The following MNS1 variants were observed in gnomAD, a reference collection of about 807,000 sequenced individuals.
MNS1 encodes meiosis specific nuclear structural 1.
A neutral mutation model predicts 72.0 loss-of-function variants in MNS1; 63 were observed. That is an observed-to-expected ratio of 0.87 (90% CI 0.71 to 1.08). The LOEUF (loss-of-function observed/expected upper bound fraction) is 1.08, where lower values mean the gene tolerates loss of function less well. MNS1 is among the 50% of genes least tolerant of loss of function. MNS1 has a pLI of 0.00. For synonymous variants in MNS1, 188 were observed against 172.1 expected, an observed-to-expected ratio of 1.09 and a Z score of -0.72; for missense variants, 604 against 562.4, an observed-to-expected ratio of 1.07 and a Z score of -0.75.
intron 1 of MNS1, 135 bp downstream of exon 1, chr15:56,464,835 C>A: frequency 1.5e-6 from 2 of 1,303,342 alleles, no homozygotes; most frequent in South Asian, 1.4e-5. Context: ...CACCTGAAGC[C>A]TCCGAAAGCA....
intron 8 of MNS1, 23 bp from the exon 9 acceptor site, chr15:56,431,521 G>A: frequency 6.2e-7 from 1 of 1,612,404 alleles, no homozygotes; most frequent in Non-Finnish European, 8.5e-7. Context: ...ATCAAATTTT[G>A]TTATCACAAA....
Position 56,434,196 on chromosome 15 carries a change from T to G in MNS1, c.1211A>C (p.His404Pro), listed in dbSNP as rs770804547. 6.2e-7 allele frequency: 1 copy of G among 1,613,964 alleles called. No individual in the cohort carries two copies. The highest frequency in any genetic ancestry group is 1.7e-5 in the Admixed American group (1 of 59,990). The change falls in exon 8 of 10, where the codon CAC becomes CCC. Residue 404 changes from histidine (H) to proline (P), a missense_variant. By Grantham distance (77) the His-to-Pro change is moderately conservative. Transcript: ENST00000260453. Reference protein sequence around the residue: ...AQKQRMKQLEHRRAVEKLIEE... With the variant: ...AQKQRMKQLEPRRAVEKLIEE... Reference sequence around the variant, plus strand: ...AATAAGTTTTTCCACAGCCCTCCTGTGTTCCAGCTGCTTCATTCTTTGTTT... The same window carrying G: ...AATAAGTTTTTCCACAGCCCTCCTGGGTTCCAGCTGCTTCATTCTTTGTTT...
chr15:56,435,027 T>C (rs1253732340), intron 7 of MNS1, among the ~76,000 whole-genome samples: 1 of 152,060 alleles, frequency 6.6e-6, no homozygotes, highest in Non-Finnish European at 1.5e-5. Flanking sequence ...AAATATAATT[T>C]TACAATGGTC....
intron 7 of MNS1, among the ~76,000 whole-genome samples, chr15:56,436,509 G>C (rs542524548): frequency 6.6e-6 from 1 of 152,134 alleles, no homozygotes; most frequent in Non-Finnish European, 1.5e-5. Flanking sequence ...AATCAGGAAA[G>C]ATCTAAAATT....
chr15:56,458,214 C>A (rs80012054), intron 2 of MNS1, among the ~76,000 whole-genome samples: 11,063 of 152,230 alleles, frequency 0.073, 1,384 homozygotes, highest in African/African-American at 0.25. Flanking sequence ...TCACCTTTTA[C>A]AATTCACAAT....
intron 3 of MNS1, 169 bp from the exon 4 acceptor site, chr15:56,447,112 G>T (rs2050911390): frequency 1.8e-6 from 1 of 541,316 alleles, no homozygotes; most frequent in Non-Finnish European, 3.3e-6. Flanking sequence ...TGCCTTTAGG[G>T]CATTAGGGCT....
chr15:56,460,009 A>AAAAAAAAAAAAAAAAAAAAATATAT, intron 2 of MNS1, among the ~76,000 whole-genome samples: 1 of 26,406 alleles, frequency 3.8e-5, no homozygotes, highest in African/African-American at 1.5e-4. Flanking sequence ...AAAAAAAAAA[A>AAAAAAAAAAAAAAAAAAAAATATAT]ATACATATAT....
In MNS1 at chr15:56,434,232, A is replaced by G. The variant is rs1330609415; in HGVS notation, c.1175T>C (p.Met392Thr). The G allele has an allele frequency of 1.2e-6, 2 of 1,613,968 alleles. No individual in the cohort carries two copies. Among genetic ancestry groups the G allele is most frequent in the Non-Finnish European group, 1.7e-6 (2 of 1,179,930 alleles). The change falls in exon 8 of 10, where the codon ATG (methionine) becomes ACG (threonine). Residue 392 changes from methionine to threonine, a missense_variant. By Grantham distance (81) the Met-to-Thr change is moderately conservative. Coordinates refer to ENST00000260453, the MANE Select transcript of MNS1 (RefSeq NM_018365.4). ...KFAEDDRIEL[M>T]NAQKQRMKQL... Reference sequence around the variant, plus strand: ...CTTCATTCTTTGTTTCTGAGCATTCATTAATTCTATTCGATCATCCTCAGC... The same window carrying G: ...CTTCATTCTTTGTTTCTGAGCATTCGTTAATTCTATTCGATCATCCTCAGC...
chr15:56,450,696 T>C (rs1226155005), intron 3 of MNS1, among the ~76,000 whole-genome samples: 1 of 152,220 alleles, frequency 6.6e-6, no homozygotes, highest in East Asian at 1.9e-4. Flanking sequence ...TTATTGGAAA[T>C]AATGCTGCAC....
chr15:56,441,960 C>T (rs1413463239), intron 7 of MNS1, among the ~76,000 whole-genome samples: 2 of 152,136 alleles, frequency 1.3e-5, no homozygotes, highest in Middle Eastern at 3.4e-3. Flanking sequence ...GCATAGCTTG[C>T]AGTGAGCCGA....
intron 2 of MNS1, among the ~76,000 whole-genome samples, chr15:56,460,027 T>TATATATATATATAC (rs2051010421): frequency 1.1e-5 from 1 of 90,948 alleles, no homozygotes; most frequent in East Asian, 2.9e-4. Context: ...TATATATATA[T>TATATATATATATAC]ATATATATGT....
Position 56,464,111 on chromosome 15 carries a change from T to G in MNS1, c.140A>C (p.Asn47Thr). ...TTGCTTGCGCTGAACACGGTTATCA[T>G]TTTCATTCTGCACCATTTGATTCCT... ...QIRNQMVQNE[N>T]DNRVQRKQFL... Residue 47 changes from asparagine (N) to threonine (T), a missense_variant, in exon 2 of 10, where the codon AAT becomes ACT. Transcript: ENST00000260453. 6.2e-7 allele frequency: 1 copy of G among 1,614,160 alleles called. No individual in the cohort carries two copies. Among genetic ancestry groups the G allele is most frequent in the Non-Finnish European group, 8.5e-7 (1 of 1,180,006 alleles).
intron 2 of MNS1, among the ~76,000 whole-genome samples, chr15:56,460,839 AAG>A (rs1420189605): frequency 6.6e-6 from 1 of 152,192 alleles, no homozygotes; most frequent in Admixed American, 6.5e-5. Flanking sequence ...CAAAAAATAT[AAG>A]AGAGAAATTT....
At chr15:56,454,634 T>TA (rs1449546709) in intron 3 of MNS1, among the ~76,000 whole-genome samples, 4 of 152,134 alleles carry the variant, frequency 2.6e-5, no homozygotes, top group Non-Finnish European at 5.9e-5. Context: ...TGAGTGAAAG[T>TA]ACTGTTTTCA....
Position 56,432,558 on chromosome 15 carries a change from G to A in MNS1, c.1270-1060C>T, listed in dbSNP as rs187468925. On this transcript the variant is annotated intron_variant, in intron 8 of 9. Coordinates refer to ENST00000260453, the MANE Select transcript of MNS1 (RefSeq NM_018365.4). ...CCAATCAAACGGACAAAACTAAGCC[G>A]ACAGCTTCATATTGGGAACATTTAT... Among the ~76,000 whole-genome samples the A allele has an allele frequency of 1.6e-3, 237 of 152,212 alleles. 1 individual carries two copies. Among genetic ancestry groups the A allele is most frequent in the African/African-American group, 4.4e-3 (181 of 41,546 alleles).
intron 2 of MNS1, among the ~76,000 whole-genome samples, chr15:56,462,312 A>G (rs2051028721): frequency 6.6e-6 from 1 of 152,216 alleles, no homozygotes; most frequent in South Asian, 2.1e-4. Context: ...GAACCTTTAC[A>G]GTGGAGAAAC....
At chr15:56,429,611 C>CAA (rs1300064383) in intron 9 of MNS1, 1 of 152,866 alleles carries the variant, frequency 6.5e-6, no homozygotes, top group African/African-American at 2.4e-5. Flanking sequence ...GGCTAATCAG[C>CAA]AAACAGTCAA....
chr15:56,441,228 A>T (rs2050809353), intron 7 of MNS1, among the ~76,000 whole-genome samples: 1 of 151,984 alleles, frequency 6.6e-6, no homozygotes, highest in Admixed American at 6.6e-5. Flanking sequence ...TTTTAATTTA[A>T]TTCCACTGTA....
In MNS1 at chr15:56,431,508, C is replaced by T. The variant is rs370531026; in HGVS notation, c.1270-10G>A. 2 of 1,613,086 alleles carry T rather than the reference C, an allele frequency of 1.2e-6. No individual in the cohort carries two copies. Among genetic ancestry groups the T allele is most frequent in the Non-Finnish European group, 1.7e-6 (2 of 1,179,784 alleles). On this transcript the variant is annotated splice_polypyrimidine_tract_variant and intron_variant, in intron 8 of 9. Transcript: ENST00000260453. Reference sequence around the variant, plus strand: ...CTTCTAGTTCACGTTGCTGGAAATGCAGATCAAATTTTGTTATCACAAAGT... The same window carrying T: ...CTTCTAGTTCACGTTGCTGGAAATGTAGATCAAATTTTGTTATCACAAAGT...
Sources: allele counts gnomAD v4.1 joint callset (sites outside exome capture counted in the v4.1 genomes callset), GRCh38; gene constraint gnomAD v4.1.1; transcripts MANE v1.5; gene names NCBI Gene and HGNC (gene_info 2026-07-23, HGNC 2026-07-21).